Variants in LRP6 observed in about 807,000 individuals in gnomAD.
The protein encoded by LRP6 is LDL receptor related protein 6, also known as low-density lipoprotein receptor-related protein 6.
Under a neutral mutation model 184.1 loss-of-function variants are expected in LRP6, and 43 were observed. The ratio of observed to expected loss-of-function variants is 0.23; its 90% CI spans 0.18 to 0.30. The LOEUF (loss-of-function observed/expected upper bound fraction) is 0.30. LRP6 is among the 10% of genes least tolerant of loss of function. The pLI, the probability that LRP6 is intolerant of heterozygous loss-of-function variation, is 1.00. For missense variants in LRP6, 1,571 were observed against 2,005.3 expected (o/e 0.78, Z 4.14); for synonymous variants, 719 against 684.9 (o/e 1.05, Z -0.78).
At chr12:12,240,288 T>C (rs1591978606) in intron 2 of LRP6, among the ~76,000 whole-genome samples, 1 of 152,118 alleles carries the variant, frequency 6.6e-6, no homozygotes, top group South Asian at 2.1e-4. Flanking sequence ...AAGAATCTTT[T>C]TATGGCCGGG....
At chr12:12,188,456 G>A (rs993857379) in intron 3 of LRP6, among the ~76,000 whole-genome samples, 1 of 152,096 alleles carries the variant, frequency 6.6e-6, no homozygotes, top group African/African-American at 2.4e-5. Context: ...ATATTTTAAG[G>A]AAGATGATTC....
intron 9 of LRP6, among the ~76,000 whole-genome samples, chr12:12,163,412 C>T (rs958255956): frequency 2.6e-5 from 4 of 152,102 alleles, no homozygotes; most frequent in African/African-American, 7.2e-5. Context: ...CCCATGTTTT[C>T]GCATATTACA....
At chr12:12,251,214 G>T (rs1865317518) in intron 1 of LRP6, among the ~76,000 whole-genome samples, 1 of 152,294 alleles carries the variant, frequency 6.6e-6, no homozygotes, top group African/African-American at 2.4e-5. Context: ...TTACAGGCGT[G>T]AGCCACCGTG....
chr12:12,157,816 T>G (rs905253886), intron 12 of LRP6, among the ~76,000 whole-genome samples: 1 of 152,230 alleles, frequency 6.6e-6, no homozygotes, highest in Non-Finnish European at 1.5e-5. Flanking sequence ...CTTAATCGTA[T>G]CTACCAATTT....
chr12:12,220,151 G>A (rs1366069927), intron 2 of LRP6, among the ~76,000 whole-genome samples: 1 of 152,052 alleles, frequency 6.6e-6, no homozygotes, highest in East Asian at 1.9e-4. Context: ...AACCAGGTGT[G>A]GTGGCACACG....
intron 2 of LRP6, among the ~76,000 whole-genome samples, chr12:12,229,651 G>A (rs1274070533): frequency 6.6e-6 from 1 of 152,170 alleles, no homozygotes; most frequent in African/African-American, 2.4e-5. Context: ...TCAACTAGTT[G>A]TGTAATATAT....
chr12:12,206,049 G>A (rs761285235), intron 2 of LRP6, among the ~76,000 whole-genome samples: 5 of 152,146 alleles, frequency 3.3e-5, no homozygotes, highest in South Asian at 2.1e-4. Context: ...ATTCAGTATC[G>A]TAGCATGCTG....
At chr12:12,121,770 G>C (rs1949610563) in intron 22 of LRP6, among the ~76,000 whole-genome samples, 1 of 152,178 alleles carries the variant, frequency 6.6e-6, no homozygotes, top group Non-Finnish European at 1.5e-5. Context: ...CCCATGGGAA[G>C]AATGGGTTTT....
At chr12:12,155,000 A>G (rs1408200743) in intron 12 of LRP6, among the ~76,000 whole-genome samples, 1 of 152,178 alleles carries the variant, frequency 6.6e-6, no homozygotes, top group African/African-American at 2.4e-5. Flanking sequence ...GTTCAAGACC[A>G]GCCTGGCCAA....
intron 22 of LRP6, among the ~76,000 whole-genome samples, chr12:12,123,655 G>A (rs1389509268): frequency 1.3e-5 from 2 of 152,168 alleles, no homozygotes; most frequent in Non-Finnish European, 2.9e-5. Context: ...GGCCTTTCAA[G>A]GAACATAGAA....
intron 2 of LRP6, among the ~76,000 whole-genome samples, chr12:12,207,998 A>G (rs576974021): frequency 2.0e-5 from 3 of 152,348 alleles, no homozygotes; most frequent in Admixed American, 1.3e-4. Context: ...GAAAGTCATT[A>G]AACAAAAACA....
At position 12,135,273 on chromosome 12, in the gene LRP6, C is replaced by A; in HGVS notation, c.3635G>T (p.Gly1212Val). Residue 1212 changes from glycine (G) to valine (V), a missense_variant, in exon 17 of 23, where the codon GGT (glycine) becomes GTT (valine). Gly to Val is a moderately radical substitution (Grantham distance 109, BLOSUM62 -3). This residue lies in a region of LRP6 where 763 missense variants were observed against 859.5 expected (regional missense o/e 0.89). Transcript: ENST00000261349. ...TACAAGACAAATATGTGAACAGCCA[C>A]CATTATCCTGAGCACAAGGGTGCTG... ...YRQHPCAQDN[G>V]GCSHICLVKG... The A allele has an allele frequency of 6.2e-7, 1 of 1,613,360 alleles. No homozygotes were observed. The highest frequency in any genetic ancestry group is 8.5e-7 in the Non-Finnish European group (1 of 1,179,818).
intron 1 of LRP6, among the ~76,000 whole-genome samples, chr12:12,250,901 C>T (rs908552877): frequency 6.6e-6 from 1 of 151,140 alleles, no homozygotes; most frequent in Non-Finnish European, 1.5e-5. Context: ...GGGTAACAGA[C>T]GTGAGCCAAC....
At chr12:12,162,931 G>A (rs1565583654) in intron 9 of LRP6, among the ~76,000 whole-genome samples, 1 of 151,984 alleles carries the variant, frequency 6.6e-6, no homozygotes, top group Non-Finnish European at 1.5e-5. Context: ...CGTTTTGTCC[G>A]TAGATTTTGT....
chr12:12,129,509 A>G (rs1385744843), intron 19 of LRP6, among the ~76,000 whole-genome samples: 1 of 152,052 alleles, frequency 6.6e-6, no homozygotes, highest in East Asian at 1.9e-4. Context: ...AAATTTCTCC[A>G]ATTATCTACA....
intron 1 of LRP6, chr12:12,249,472 G>T: frequency 1.5e-6 from 1 of 677,522 alleles, no homozygotes; most frequent in Non-Finnish European, 2.6e-6. Flanking sequence ...GCAATTAATC[G>T]AAAAGAAAAA....
chr12:12,249,728 GAAGGAAAT>G (rs1306035623), intron 1 of LRP6, among the ~76,000 whole-genome samples: 1 of 116,024 alleles, frequency 8.6e-6, no homozygotes, highest in African/African-American at 3.0e-5. Flanking sequence ...AGGAAGGAAG[GAAGGAAAT>G]AAATTAATTA....
At chr12:12,179,575 C>G (rs181497660) in intron 7 of LRP6, among the ~76,000 whole-genome samples, 1 of 152,168 alleles carries the variant, frequency 6.6e-6, no homozygotes, top group African/African-American at 2.4e-5. Flanking sequence ...GCTTTTAAGA[C>G]TAGAAACTGA....
intron 2 of LRP6, among the ~76,000 whole-genome samples, chr12:12,212,119 T>C (rs1404224718): frequency 6.6e-6 from 1 of 152,230 alleles, no homozygotes; most frequent in Non-Finnish European, 1.5e-5. Flanking sequence ...TTTACTCATA[T>C]GTTTTCACCA....
Sources: allele counts gnomAD v4.1 joint callset (sites outside exome capture counted in the v4.1 genomes callset), GRCh38; gene constraint gnomAD v4.1.1; regional missense constraint gnomAD v4.1.1; transcripts MANE v1.5; gene names NCBI Gene and HGNC (gene_info 2026-07-23, HGNC 2026-07-21).